JAKMIP1: variants seen among roughly 807,000 people sequenced by gnomAD.
The protein encoded by JAKMIP1 is janus kinase and microtubule interacting protein 1, also known as janus kinase and microtubule-interacting protein 1.
JAKMIP1 carries 33 observed loss-of-function variants against 113.0 expected under a neutral mutation model. The observed-to-expected ratio is 0.29, with a 90% confidence interval of 0.22 to 0.39. The LOEUF is 0.39. Ranked by LOEUF, JAKMIP1 falls within the 10% of genes least tolerant of loss-of-function variation. The pLI is 1.00. For synonymous variants in JAKMIP1, 480 were observed against 459.9 expected, an observed-to-expected ratio of 1.04 and a Z score of -0.56; for missense variants, 813 against 1,080.5, an observed-to-expected ratio of 0.75 and a Z score of 3.47.
At chr4:6,057,242 G>A (rs1338682082) in intron 11 of JAKMIP1, among the ~76,000 whole-genome samples, 1 of 152,218 alleles carries the variant, frequency 6.6e-6, no homozygotes, top group African/African-American at 2.4e-5. Flanking sequence ...GTGGCACCCT[G>A]AGCCTGGCAC....
At chr4:6,147,742 GC>G (rs1478935269) in intron 1 of JAKMIP1, among the ~76,000 whole-genome samples, 1 of 152,200 alleles carries the variant, frequency 6.6e-6, no homozygotes, top group Admixed American at 6.5e-5. Context: ...AGAGGGCCCG[GC>G]CTGGGTCTGC....
At chr4:6,062,200 C>T (rs893099573) in intron 10 of JAKMIP1, 112 bp downstream of exon 10, 12 of 1,176,386 alleles carry the variant, frequency 1.0e-5, no homozygotes, top group African/African-American at 1.5e-5. Context: ...TCCCCACCAC[C>T]TCTCAGAATC....
rs893162420 is a variant in JAKMIP1, at chr4:6,061,963, G to A, written c.1560+349C>T. ...TGGTGGATGTCCTGGAGGGCGGGGG[G>A]CTGGCAGCCCTGGAGGGAGCGGAGC... is the stretch of plus-strand genomic sequence containing the variant. On this transcript the variant is annotated intron_variant, in intron 10 of 20. Coordinates refer to ENST00000409021, the MANE Select transcript of JAKMIP1 (RefSeq NM_001099433.2). This position sits in a 1 kb window ranked among gnomAD's most constrained non-coding sequence, Gnocchi z 5.3. Among the ~76,000 whole-genome samples the A allele has an allele frequency of 1.3e-5, 2 of 152,222 alleles. No homozygotes were observed. The highest frequency in any genetic ancestry group is 2.9e-5 in the Non-Finnish European group (2 of 68,042).
At chr4:6,096,743 T>C (rs1246971482) in intron 3 of JAKMIP1, among the ~76,000 whole-genome samples, 1 of 152,160 alleles carries the variant, frequency 6.6e-6, no homozygotes, top group African/African-American at 2.4e-5. Flanking sequence ...GATTTGAGGG[T>C]TTTTGGATTT....
rs1301181243 is a variant in JAKMIP1, at chr4:6,031,059, T to C, written c.2380-1278A>G. ...GGAGAGAAAGACAAAGTCCCTCCCC[T>C]TATAGTTCAATTACCGTTCAGACAA... is the stretch of plus-strand genomic sequence containing the variant. On this transcript the variant is annotated intron_variant, in intron 19 of 20. Coordinates refer to ENST00000409021, the MANE Select transcript of JAKMIP1 (RefSeq NM_001099433.2). This position sits in a 1 kb window ranked among gnomAD's most constrained non-coding sequence, Gnocchi z 4.4. 1.3e-5 allele frequency among the ~76,000 whole-genome samples: 2 copies of C among 152,190 alleles called. No homozygotes were observed. The highest frequency in any genetic ancestry group is 4.8e-5 in the African/African-American group (2 of 41,454).
intron 19 of JAKMIP1, among the ~76,000 whole-genome samples, chr4:6,034,620 G>A (rs1459487225): frequency 6.6e-6 from 1 of 152,162 alleles, no homozygotes; most frequent in Non-Finnish European, 1.5e-5. Context: ...TGGCCAACAT[G>A]GAGAAACGCC....
At position 6,157,333 on chromosome 4, in the gene JAKMIP1, G is replaced by T. The variant is rs1325458943; in HGVS notation, c.-148+42920C>A. ...TTACTCCCTCTGCAAAAAGGCGCAC[G>T]GGATGGGAAGCTGGCGCACAACACA... On this transcript the variant is annotated intron_variant, in intron 1 of 20. Transcript: ENST00000409021. The surrounding 1 kb of genome is among the most constrained non-coding windows in gnomAD (Gnocchi z 4.7). Among the ~76,000 whole-genome samples the T allele has an allele frequency of 6.6e-6, 1 of 152,160 alleles. No homozygotes were observed. The highest frequency in any genetic ancestry group is 1.5e-5 in the Non-Finnish European group (1 of 68,034).
rs1284535407 is a variant in JAKMIP1 at position 6,094,269 on chromosome 4, C to T, written c.625-8640G>A. ...GCAGGTGCTCACCAAATGGAGTGCC[C>T]GGAAAATATATAGCCTCTCTTCCGT... is the stretch of plus-strand genomic sequence containing the variant. On this transcript the variant is annotated intron_variant, in intron 3 of 20. Transcript: ENST00000409021. This position sits in a 1 kb window ranked among gnomAD's most constrained non-coding sequence, Gnocchi z 4.2. Among the ~76,000 whole-genome samples, 2 of 152,134 alleles carry T rather than the reference C, an allele frequency of 1.3e-5. No homozygotes were observed. Among genetic ancestry groups the T allele is most frequent in the Non-Finnish European group, 2.9e-5 (2 of 68,030 alleles).
At chr4:6,090,675 G>A (rs1230170006) in intron 3 of JAKMIP1, among the ~76,000 whole-genome samples, 1 of 151,874 alleles carries the variant, frequency 6.6e-6, no homozygotes, top group East Asian at 1.9e-4. Flanking sequence ...TTAAACTAGA[G>A]CGTCACTGCC....
chr4:6,054,240 C>G (rs1716039619), intron 12 of JAKMIP1, 92 bp from the exon 13 acceptor site: 1 of 1,307,776 alleles, frequency 7.6e-7, no homozygotes, highest in African/African-American at 1.5e-5. Context: ...TGGAGGGAAA[C>G]AGACGACTGG....
Position 6,187,265 on chromosome 4 carries a change from T to C in JAKMIP1, c.-148+12988A>G, listed in dbSNP as rs1726754007. ...GTTACTTTTTATCTCTAGTAACTTT[T>C]TTTGTTTTAAACTCATTTTGTCTAA... is the stretch of plus-strand genomic sequence containing the variant. On this transcript the variant is annotated intron_variant, in intron 1 of 20. Coordinates refer to ENST00000409021, the MANE Select transcript of JAKMIP1 (RefSeq NM_001099433.2). The surrounding 1 kb of genome is among the most constrained non-coding windows in gnomAD (Gnocchi z 4.2). 6.6e-6 allele frequency among the ~76,000 whole-genome samples: 1 copy of C among 152,258 alleles called. No individual in the cohort carries two copies. Among genetic ancestry groups the C allele is most frequent in the Non-Finnish European group, 1.5e-5 (1 of 68,048 alleles).
At chr4:6,133,135 C>A (rs942446441) in intron 1 of JAKMIP1, among the ~76,000 whole-genome samples, 1 of 151,898 alleles carries the variant, frequency 6.6e-6, no homozygotes. Flanking sequence ...CAACAGAACA[C>A]CAAAAAAACC....
At position 6,080,781 on chromosome 4, in the gene JAKMIP1, A is replaced by G. The variant is rs1720401949; in HGVS notation, c.1102-469T>C. ...GGTATGCCTTTATCAGCAGTGTGAA[A>G]ATGGACTAATACGTGGCCACCTTGT... On this transcript the variant is annotated intron_variant, in intron 6 of 20. Coordinates refer to ENST00000409021, the MANE Select transcript of JAKMIP1 (RefSeq NM_001099433.2). The surrounding 1 kb of genome is among the most constrained non-coding windows in gnomAD (Gnocchi z 6.0). 6.6e-6 allele frequency among the ~76,000 whole-genome samples: 1 copy of G among 152,024 alleles called. No homozygotes were observed. Among genetic ancestry groups the G allele is most frequent in the African/African-American group, 2.4e-5 (1 of 41,378 alleles).
At chr4:6,045,472 G>A (rs150807123) in intron 16 of JAKMIP1, among the ~76,000 whole-genome samples, 5 of 152,320 alleles carry the variant, frequency 3.3e-5, no homozygotes, top group East Asian at 3.9e-4. Context: ...CTCAGTGGGC[G>A]GAGATGAGGA....
At chr4:6,119,524 ACAAGAG>A (rs1424431003) in intron 1 of JAKMIP1, among the ~76,000 whole-genome samples, 12 of 151,796 alleles carry the variant, frequency 7.9e-5, no homozygotes, top group Admixed American at 5.9e-4. Context: ...AGCCTGGACA[ACAAGAG>A]CAAAACTCCG....
rs548479001 is a variant in JAKMIP1, at chr4:6,086,433, C to T, written c.625-804G>A. 4.6e-5 allele frequency among the ~76,000 whole-genome samples: 7 copies of T among 152,038 alleles called. 1 individual carries two copies. Among genetic ancestry groups the T allele is most frequent in the African/African-American group, 1.7e-4 (7 of 41,452 alleles). ...CTGCCTGACACCTCTGCTTGGATCTCGGAGGGACCACAGCCTCTCCACGTA... is the reference window on the plus strand; with the variant it reads ...CTGCCTGACACCTCTGCTTGGATCTTGGAGGGACCACAGCCTCTCCACGTA... On this transcript the variant is annotated intron_variant, in intron 3 of 20. Transcript: ENST00000409021. This position sits in a 1 kb window ranked among gnomAD's most constrained non-coding sequence, Gnocchi z 4.1.
chr4:6,071,213 C>T (rs1718904546), intron 8 of JAKMIP1, among the ~76,000 whole-genome samples: 1 of 152,210 alleles, frequency 6.6e-6, no homozygotes, highest in African/African-American at 2.4e-5. Context: ...TAATGAGGCA[C>T]CACCCGGCCA....
At position 6,164,152 on chromosome 4, in the gene JAKMIP1, A is replaced by G. The variant is rs116202231; in HGVS notation, c.-148+36101T>C. 9.0e-3 allele frequency among the ~76,000 whole-genome samples: 1,373 copies of G among 152,342 alleles called. 15 individuals are homozygous for G. Among genetic ancestry groups the G allele is most frequent in the African/African-American group, 0.031 (1,298 of 41,576 alleles). On this transcript the variant is annotated intron_variant, in intron 1 of 20. Coordinates refer to ENST00000409021, the MANE Select transcript of JAKMIP1 (RefSeq NM_001099433.2). ...GATGCCATCTAGGACTTTCTGAGTTAAAAAGGAGAAGTCGATGCCTAGCTT... is the reference window on the plus strand; with the variant it reads ...GATGCCATCTAGGACTTTCTGAGTTGAAAAGGAGAAGTCGATGCCTAGCTT...
At chr4:6,038,233 C>T (rs1713809590) in intron 18 of JAKMIP1, among the ~76,000 whole-genome samples, 1 of 149,638 alleles carries the variant, frequency 6.7e-6, no homozygotes, top group African/African-American at 2.5e-5. Flanking sequence ...AGCCCTCCAT[C>T]ACCGAGGCAG....
Sources: allele counts gnomAD v4.1 joint callset (sites outside exome capture counted in the v4.1 genomes callset), GRCh38; gene constraint gnomAD v4.1.1; non-coding constraint Gnocchi (gnomAD v3.1); transcripts MANE v1.5; gene names NCBI Gene and HGNC (gene_info 2026-07-23, HGNC 2026-07-21).